Variants in COL25A1 observed in about 807,000 individuals in gnomAD.
COL25A1 encodes collagen alpha-1(XXV) chain.
COL25A1 carries 103 observed loss-of-function variants against 128.4 expected under a neutral mutation model. That is an observed-to-expected ratio of 0.80 (90% confidence interval 0.68 to 0.94). The LOEUF is 0.94. COL25A1 is among the 40% of genes least tolerant of loss of function. COL25A1 has a pLI of 0.00. For missense variants in COL25A1, 745 were observed against 840.0 expected (o/e 0.89, Z 1.40); for synonymous variants, 279 against 277.2 (o/e 1.01, Z -0.06).
intron 7 of COL25A1, 63 bp downstream of exon 7, chr4:108,974,468 AAC>A: frequency 1.9e-6 from 3 of 1,606,776 alleles, no homozygotes; most frequent in Admixed American, 3.3e-5. Context: ...ATCAAAATGT[AAC>A]ACAGTATAGG....
At chr4:109,021,753 T>C in intron 5 of COL25A1, 1 of 453,528 alleles carries the variant, frequency 2.2e-6, no homozygotes, top group Non-Finnish European at 4.4e-6. Flanking sequence ...ATTAAGACCC[T>C]AGGAAAAGAA....
intron 3 of COL25A1, among the ~76,000 whole-genome samples, chr4:109,208,052 A>G (rs1777151753): frequency 6.6e-6 from 1 of 152,214 alleles, no homozygotes; most frequent in African/African-American, 2.4e-5. Context: ...AGAGCATTAT[A>G]GAAAGAAAGA....
At chr4:108,827,622 G>A (rs557044284) in intron 32 of COL25A1, among the ~76,000 whole-genome samples, 2 of 152,184 alleles carry the variant, frequency 1.3e-5, no homozygotes, top group East Asian at 3.9e-4. Context: ...AAACTACTGG[G>A]CCTAAGTGAT....
At chr4:108,991,311 GA>G (rs1754206867) in intron 6 of COL25A1, among the ~76,000 whole-genome samples, 1 of 152,060 alleles carries the variant, frequency 6.6e-6, no homozygotes, top group Non-Finnish European at 1.5e-5. Context: ...ATTAAACTCT[GA>G]GATGATACTA....
At chr4:109,180,211 C>A (rs1774496401) in intron 3 of COL25A1, among the ~76,000 whole-genome samples, 2 of 152,246 alleles carry the variant, frequency 1.3e-5, no homozygotes, top group South Asian at 4.1e-4. Flanking sequence ...TAAATACACA[C>A]AAATGACCAT....
intron 3 of COL25A1, among the ~76,000 whole-genome samples, chr4:109,078,580 C>T (rs1763575323): frequency 6.6e-6 from 1 of 152,134 alleles, no homozygotes; most frequent in African/African-American, 2.4e-5. Context: ...TAAGAATACA[C>T]ATTTATTAAA....
At chr4:109,060,239 G>A (rs1437461507) in intron 3 of COL25A1, among the ~76,000 whole-genome samples, 1 of 152,202 alleles carries the variant, frequency 6.6e-6, no homozygotes, top group African/African-American at 2.4e-5. Flanking sequence ...GTAAAGGCAA[G>A]TGCTACTTAG....
intron 3 of COL25A1, among the ~76,000 whole-genome samples, chr4:109,227,232 G>A (rs560207190): frequency 8.6e-5 from 13 of 150,760 alleles, no homozygotes; most frequent in East Asian, 1.9e-4. Context: ...TTGTGATAAC[G>A]CAGTTTAATG....
chr4:109,049,463 A>G (rs1226268627), intron 4 of COL25A1, among the ~76,000 whole-genome samples: 1 of 152,234 alleles, frequency 6.6e-6, no homozygotes, highest in Non-Finnish European at 1.5e-5. Context: ...GCCTGAAAGC[A>G]AGAATGTCCT....
intron 8 of COL25A1, among the ~76,000 whole-genome samples, chr4:108,971,676 G>A (rs561651409): frequency 2.6e-5 from 4 of 152,280 alleles, no homozygotes; most frequent in African/African-American, 9.6e-5. Context: ...AAGCACAGCA[G>A]GTTGGATTTC....
At chr4:108,988,000 C>G (rs925547202) in intron 6 of COL25A1, among the ~76,000 whole-genome samples, 1 of 152,110 alleles carries the variant, frequency 6.6e-6, no homozygotes, top group African/African-American at 2.4e-5. Flanking sequence ...TAATAACATA[C>G]CAGGGCCCTT....
At chr4:109,247,258 G>C (rs763136450) in intron 3 of COL25A1, among the ~76,000 whole-genome samples, 3 of 152,136 alleles carry the variant, frequency 2.0e-5, no homozygotes, top group East Asian at 1.9e-4. Context: ...AGTGAAGCAG[G>C]AGAATGGCTT....
At chr4:109,207,753 A>G (rs1487013994) in intron 3 of COL25A1, among the ~76,000 whole-genome samples, 1 of 152,218 alleles carries the variant, frequency 6.6e-6, no homozygotes, top group Non-Finnish European at 1.5e-5. Flanking sequence ...ATTAAAAAAT[A>G]TTTAGGATGC....
intron 3 of COL25A1, among the ~76,000 whole-genome samples, chr4:109,243,984 T>C (rs1049283643): frequency 4.6e-5 from 7 of 152,034 alleles, no homozygotes; most frequent in African/African-American, 1.2e-4. Context: ...ATTAAAACAG[T>C]CTAGTAGATA....
chr4:108,817,736 T>A (rs1392270519), intron 36 of COL25A1, among the ~76,000 whole-genome samples: 1 of 152,218 alleles, frequency 6.6e-6, no homozygotes, highest in Non-Finnish European at 1.5e-5. Context: ...TATTTTTAGA[T>A]AATAAATCTA....
chr4:109,100,114 T>G (rs1284567873), intron 3 of COL25A1, among the ~76,000 whole-genome samples: 5 of 152,108 alleles, frequency 3.3e-5, no homozygotes, highest in Non-Finnish European at 7.4e-5. Context: ...GTGGAAATGG[T>G]GCAATTTTTC....
intron 3 of COL25A1, among the ~76,000 whole-genome samples, chr4:109,183,692 T>C (rs1290218970): frequency 3.3e-5 from 5 of 152,146 alleles, no homozygotes; most frequent in Non-Finnish European, 7.4e-5. Context: ...TATAAAGCAT[T>C]CTTTATCATT....
intron 10 of COL25A1, 143 bp downstream of exon 10, chr4:108,940,396 C>T (rs558702268): frequency 1.1e-5 from 8 of 738,130 alleles, no homozygotes; most frequent in Admixed American, 1.9e-5. Context: ...CAACCTACTC[C>T]ACTCATCATC....
intron 3 of COL25A1, among the ~76,000 whole-genome samples, chr4:109,285,020 C>G: frequency 6.6e-6 from 1 of 151,946 alleles, no homozygotes. Flanking sequence ...GTTTCTAGAA[C>G]TAGGGAAGTT....
Sources: gnomAD v4.1 joint callset for allele counts (sites outside exome capture counted in the v4.1 genomes callset) on GRCh38, gnomAD v4.1.1 for gene constraint, MANE v1.5 for transcripts, NCBI Gene and HGNC (gene_info 2026-07-23, HGNC 2026-07-21) for gene names.